IMPG1: variants seen among roughly 807,000 people sequenced by gnomAD.
IMPG1 encodes the protein interphotoreceptor matrix proteoglycan 1, also known as interphotoreceptor matrix proteoglycan of 150 kDa.
IMPG1 carries 85 observed loss-of-function variants against 92.0 expected under a neutral mutation model. That is an observed-to-expected ratio of 0.92 (90% CI 0.78 to 1.11). The LOEUF is 1.11. Ranked by LOEUF, IMPG1 falls within the 50% of genes least tolerant of loss-of-function variation. The probability of loss-of-function intolerance (pLI) is 0.00; values close to 1 mark genes in which losing one functional copy is unlikely to be tolerated. For synonymous variants in IMPG1, 367 were observed against 334.1 expected, an observed-to-expected ratio of 1.10 and a Z score of -1.08; for missense variants, 1,022 against 956.0, an observed-to-expected ratio of 1.07 and a Z score of -0.91.
chr6:76,034,951 A>G (rs568407506), intron 2 of IMPG1, among the ~76,000 whole-genome samples, 164 bp from the exon 3 acceptor site: 3 of 152,248 alleles, frequency 2.0e-5, no homozygotes, highest in Non-Finnish European at 4.4e-5. Flanking sequence ...AGTACTTACT[A>G]TATGCTATGG....
chr6:75,959,471 C>A (rs1031288885), intron 12 of IMPG1, among the ~76,000 whole-genome samples: 7 of 152,148 alleles, frequency 4.6e-5, no homozygotes, highest in South Asian at 2.1e-4. Context: ...CATCCACAGC[C>A]CCCCCTTCCC....
At chr6:75,934,843 A>C in intron 14 of IMPG1, 2 of 414,526 alleles carry the variant, frequency 4.8e-6, no homozygotes, top group South Asian at 1.8e-5. Flanking sequence ...CGCATGTCCT[A>C]CTGGCTGTGT....
chr6:75,943,348 G>A (rs1781865532), intron 14 of IMPG1, among the ~76,000 whole-genome samples: 1 of 152,180 alleles, frequency 6.6e-6, no homozygotes, highest in Non-Finnish European at 1.5e-5. Context: ...CATGATATGA[G>A]TAGATTAATG....
At chr6:76,020,460 A>T (rs1056098652) in intron 6 of IMPG1, among the ~76,000 whole-genome samples, 1 of 152,204 alleles carries the variant, frequency 6.6e-6, no homozygotes, top group African/African-American at 2.4e-5. Context: ...TCTCTGATTT[A>T]TCTTGTAGAG....
intron 12 of IMPG1, among the ~76,000 whole-genome samples, chr6:76,001,202 C>A (rs970410180): frequency 6.6e-6 from 1 of 152,146 alleles, no homozygotes; most frequent in East Asian, 1.9e-4. Context: ...CATAGATATA[C>A]TATTATTTTT....
At chr6:76,062,899 T>A (rs1397002183) in intron 1 of IMPG1, among the ~76,000 whole-genome samples, 1 of 148,700 alleles carries the variant, frequency 6.7e-6, no homozygotes, top group Non-Finnish European at 1.5e-5. Context: ...CTGGAGAGAA[T>A]GGATGCCAGT....
At chr6:75,982,093 T>G (rs1582083981) in intron 12 of IMPG1, among the ~76,000 whole-genome samples, 1 of 152,254 alleles carries the variant, frequency 6.6e-6, no homozygotes, top group African/African-American at 2.4e-5. Context: ...TTTGAAGAAA[T>G]CATAGCCTAA....
At chr6:75,977,061 G>T (rs1782549679) in intron 12 of IMPG1, among the ~76,000 whole-genome samples, 1 of 151,078 alleles carries the variant, frequency 6.6e-6, no homozygotes, top group African/African-American at 2.4e-5. Context: ...TTGAGGAAGT[G>T]GTATTTAAAA....
chr6:75,974,451 T>TCCTTCCTTCCGTCCTTCCTC (rs1224036118), intron 12 of IMPG1, among the ~76,000 whole-genome samples: 1 of 133,048 alleles, frequency 7.5e-6, no homozygotes, highest in Non-Finnish European at 1.6e-5. Context: ...CTTCCTTCCT[T>TCCTTCCTTCCGTCCTTCCTC]CTTTCTTCTT....
At chr6:75,974,260 TTC>T (rs898489094) in intron 12 of IMPG1, among the ~76,000 whole-genome samples, 1 of 149,678 alleles carries the variant, frequency 6.7e-6, no homozygotes, top group Non-Finnish European at 1.5e-5. Flanking sequence ...CTTTCTTTCT[TTC>T]TCTCTCTTTC....
intron 7 of IMPG1, among the ~76,000 whole-genome samples, chr6:76,016,230 A>AT (rs1227742143): frequency 6.0e-4 from 92 of 152,324 alleles, no homozygotes; most frequent in Admixed American, 6.0e-3. Context: ...CTCAGAGCTA[A>AT]TTTTTGGCAA....
intron 4 of IMPG1, among the ~76,000 whole-genome samples, chr6:76,026,590 CA>C (rs1271463027): frequency 6.6e-6 from 1 of 152,254 alleles, no homozygotes; most frequent in Admixed American, 6.5e-5. Flanking sequence ...TGCATCACCA[CA>C]GCAGCCTTCT....
intron 15 of IMPG1, among the ~76,000 whole-genome samples, chr6:75,930,641 G>T (rs78535361): frequency 4.6e-5 from 7 of 152,106 alleles, no homozygotes; most frequent in Non-Finnish European, 7.3e-5. Context: ...ACTGATACAG[G>T]TTCTTTCTTC....
intron 1 of IMPG1, among the ~76,000 whole-genome samples, chr6:76,066,047 G>C (rs1784303687): frequency 6.6e-6 from 1 of 151,986 alleles, no homozygotes; most frequent in East Asian, 1.9e-4. Flanking sequence ...GTCACCTCTA[G>C]ACCACCCCTA....
intron 8 of IMPG1, among the ~76,000 whole-genome samples, chr6:76,010,008 C>T (rs1342341296): frequency 2.0e-5 from 3 of 152,130 alleles, no homozygotes; most frequent in African/African-American, 7.2e-5. Context: ...AAAATACTAC[C>T]GAGCAGCATC....
chr6:76,065,891 C>T (rs758570016), intron 1 of IMPG1, among the ~76,000 whole-genome samples: 5 of 152,004 alleles, frequency 3.3e-5, no homozygotes, highest in Non-Finnish European at 5.9e-5. Flanking sequence ...TCAGCAGAAA[C>T]CTTAAAAACA....
intron 2 of IMPG1, among the ~76,000 whole-genome samples, chr6:76,039,930 G>A (rs981527789): frequency 3.1e-4 from 47 of 152,312 alleles, no homozygotes; most frequent in African/African-American, 1.1e-3. Flanking sequence ...TGTTCCATTT[G>A]ATTTGGGAAT....
rs1028249296 is a variant in IMPG1, at chr6:75,977,811, C to T, written c.1291+25107G>A. ...AACTCTAAATTATCTGAAGTGACTT[C>T]ATGGTACACTCATTAAATGTGATAC... On this transcript the variant is annotated intron_variant, in intron 12 of 16. Transcript: ENST00000369950. 2.6e-5 allele frequency among the ~76,000 whole-genome samples: 4 copies of T among 151,246 alleles called. No homozygotes were observed. The South Asian group carries it at 8.3e-4, about 31-fold the overall frequency.
At chr6:75,970,375 A>G (rs1446057991) in intron 12 of IMPG1, among the ~76,000 whole-genome samples, 5 of 152,110 alleles carry the variant, frequency 3.3e-5, no homozygotes, top group African/African-American at 1.2e-4. Flanking sequence ...TTAAAGCACT[A>G]AAGGCCATTT....
Sources: allele counts gnomAD v4.1 joint callset (sites outside exome capture counted in the v4.1 genomes callset), GRCh38; gene constraint gnomAD v4.1.1; transcripts MANE v1.5; gene names NCBI Gene and HGNC (gene_info 2026-07-23, HGNC 2026-07-21).